Variants in ZNF736 observed in about 807,000 individuals in gnomAD.
The protein encoded by ZNF736 is KRAB-containing zinc-finger repressor protein.
ZNF736 carries 6 observed loss-of-function variants against 11.7 expected under a neutral mutation model. The ratio of observed to expected loss-of-function variants is 0.51; its 90% CI spans 0.28 to 1.01. ZNF736 has a LOEUF of 1.01. Among genes scored for constraint, ZNF736 ranks in the 50% least tolerant of loss-of-function variants. The pLI is 0.09. For missense variants in ZNF736, 444 were observed against 496.0 expected (o/e 0.90, Z 1.00); for synonymous variants, 139 against 164.7 (o/e 0.84, Z 1.19).
chr7:64,356,572 C>T lies in ZNF736; in HGVS notation c.*7425C>T, dbSNP rs115349925. 3.8e-3 allele frequency among the ~76,000 whole-genome samples: 575 copies of T among 151,854 alleles called. 3 individuals carry two copies. Among genetic ancestry groups the T allele is most frequent in the African/African-American group, 0.012 (503 of 41,446 alleles). ...ATACAAGTAATATAAACTAAGTTTA[C>T]TTAAATTATTTACTTATTTAAGAAA... is the stretch of plus-strand genomic sequence containing the variant. On this transcript the variant is annotated 3_prime_UTR_variant, in exon 4 of 4. Coordinates refer to ENST00000423484, the MANE Select transcript of ZNF736 (RefSeq NM_001170905.3).
Position 64,348,267 on chromosome 7 carries a change from AAT to A in ZNF736, c.405_406del (p.Cys136PhefsTer6), listed in dbSNP as rs1276655481. The A allele has an allele frequency of 7.7e-6, 12 of 1,551,876 alleles. No homozygotes were observed. Among genetic ancestry groups the A allele is most frequent in the Middle Eastern group, 1.7e-4 (1 of 6,012 alleles). On this transcript the variant is annotated frameshift_variant, in exon 4 of 4. Coordinates refer to ENST00000423484, the MANE Select transcript of ZNF736 (RefSeq NM_001170905.3). LOFTEE classifies it low-confidence loss of function (END_TRUNC). Reference sequence around the variant, plus strand: ...AAAAGCAGTTATAATGGCCTTCATCAATGTTTGTCAGCTACCCATAGCAAAAC... The same window carrying A: ...AAAAGCAGTTATAATGGCCTTCATCAGTTTGTCAGCTACCCATAGCAAAAC...
intron 3 of ZNF736, among the ~76,000 whole-genome samples, chr7:64,346,941 C>T (rs1431407721): frequency 6.6e-6 from 1 of 151,006 alleles, no homozygotes; most frequent in African/African-American, 2.4e-5. Flanking sequence ...GACTTTAATT[C>T]AAATTGTCTC....
At chr7:64,336,212 C>G (rs1158721225) in intron 1 of ZNF736, 47 bp from the exon 2 acceptor site, 2 of 1,583,226 alleles carry the variant, frequency 1.3e-6, no homozygotes, top group Non-Finnish European at 1.7e-6. Flanking sequence ...GATGTCAAAT[C>G]AAGAATTCTT....
At position 64,342,685 on chromosome 7, in the gene ZNF736, T is replaced by G. The variant is rs564823344; in HGVS notation, c.227-5405T>G. Among the ~76,000 whole-genome samples the G allele has an allele frequency of 3.9e-5, 6 of 152,196 alleles. No homozygotes were observed. The East Asian group carries it at 9.6e-4, about 24-fold the overall frequency. Reference sequence around the variant, plus strand: ...TGTGTGTAACAACTATGCCTGTAATTTCACAAGTTCTGAAGTAATGTGCTC... The same window carrying G: ...TGTGTGTAACAACTATGCCTGTAATGTCACAAGTTCTGAAGTAATGTGCTC... On this transcript the variant is annotated intron_variant, in intron 3 of 3. Transcript: ENST00000423484.
intron 3 of ZNF736, among the ~76,000 whole-genome samples, chr7:64,347,217 C>CTTTTTTTTTTTTT (rs35033527): frequency 2.5e-4 from 14 of 55,870 alleles, no homozygotes; most frequent in East Asian, 1.2e-3. Flanking sequence ...AAATGTTCGC[C>CTTTTTTTTTTTTT]TTTTTTTTTT....
chr7:64,315,992 T>G (rs1282285242), intron 1 of ZNF736, among the ~76,000 whole-genome samples: 4 of 152,178 alleles, frequency 2.6e-5, no homozygotes, highest in Admixed American at 6.5e-5. Flanking sequence ...GCGCATCTCC[T>G]CTCATCTTCT....
At chr7:64,347,216 C>T (rs1474064601) in intron 3 of ZNF736, among the ~76,000 whole-genome samples, 15 of 111,810 alleles carry the variant, frequency 1.3e-4, no homozygotes, top group Admixed American at 2.2e-4. Flanking sequence ...AAAATGTTCG[C>T]CTTTTTTTTT....
intron 1 of ZNF736, among the ~76,000 whole-genome samples, chr7:64,315,853 T>C (rs1788908904): frequency 6.6e-6 from 1 of 152,220 alleles, no homozygotes. Context: ...GTTCTTTATT[T>C]AATTTTAAAA....
intron 1 of ZNF736, among the ~76,000 whole-genome samples, chr7:64,330,190 T>C (rs1373117772): frequency 6.6e-6 from 1 of 151,976 alleles, no homozygotes; most frequent in Non-Finnish European, 1.5e-5. Flanking sequence ...GGAGTCTCGC[T>C]CTGTAGCCCA....
At chr7:64,346,326 G>T in intron 3 of ZNF736, among the ~76,000 whole-genome samples, 1 of 141,774 alleles carries the variant, frequency 7.1e-6, no homozygotes. Context: ...CTGCCATTTT[G>T]TCTTTTTTTT....
Position 64,356,549 on chromosome 7 carries a change from AC to A in ZNF736, c.*7403del. Among the ~76,000 whole-genome samples the A allele has an allele frequency of 1.3e-5, 2 of 152,284 alleles. No individual in the cohort carries two copies. The highest frequency in any genetic ancestry group is 3.9e-4 in the East Asian group (2 of 5,188). On this transcript the variant is annotated 3_prime_UTR_variant, in exon 4 of 4. Coordinates refer to ENST00000423484, the MANE Select transcript of ZNF736 (RefSeq NM_001170905.3). The stretch of plus-strand genomic sequence containing the variant: ...GAGGATAATATGTAAAATAATTTAT[AC>A]AAGTAATATAAACTAAGTTTACTTA...
intron 1 of ZNF736, among the ~76,000 whole-genome samples, chr7:64,318,787 A>C: frequency 6.6e-6 from 1 of 152,178 alleles, no homozygotes; most frequent in East Asian, 1.9e-4. Context: ...TGTAGACACA[A>C]CATATAACTT....
intron 3 of ZNF736, among the ~76,000 whole-genome samples, chr7:64,346,925 G>C (rs1789417242): frequency 6.6e-6 from 1 of 151,288 alleles, no homozygotes; most frequent in African/African-American, 2.4e-5. Context: ...TTAAAAAATA[G>C]ATCAAGACTT....
chr7:64,340,279 T>C (rs1244523795), intron 3 of ZNF736, among the ~76,000 whole-genome samples: 1 of 152,142 alleles, frequency 6.6e-6, no homozygotes, highest in African/African-American at 2.4e-5. Flanking sequence ...GAGAGCACAG[T>C]AAAGGCCAAG....
In ZNF736 at chr7:64,354,232, T is replaced by C. The variant is rs1032505132; in HGVS notation, c.*5085T>C. On this transcript the variant is annotated 3_prime_UTR_variant, in exon 4 of 4. Coordinates refer to ENST00000423484, the MANE Select transcript of ZNF736 (RefSeq NM_001170905.3). ...ATCCTACTTTTTTCTGTTGAACATA[T>C]GACTTCTCTGGTCTGCTAAACACAT... 1 of 152,228 alleles carries C rather than the reference T, an allele frequency of 6.6e-6. No homozygotes were observed. The highest frequency in any genetic ancestry group is 1.5e-5 in the Non-Finnish European group (1 of 68,008). The allele number at this position is 152,228 out of a possible 1,614,324, so 9.4% of individuals were successfully genotyped here.
chr7:64,339,274 C>T (rs1329055861), intron 3 of ZNF736, among the ~76,000 whole-genome samples: 1 of 152,036 alleles, frequency 6.6e-6, no homozygotes, highest in Non-Finnish European at 1.5e-5. Context: ...CTTGGTTCTA[C>T]AGAAGTGTTT....
intron 1 of ZNF736, among the ~76,000 whole-genome samples, chr7:64,319,147 G>T (rs1788957503): frequency 6.6e-6 from 1 of 151,696 alleles, no homozygotes; most frequent in Non-Finnish European, 1.5e-5. Context: ...AATCATGTCG[G>T]CAAGAGAAGA....
chr7:64,330,393 G>A (rs1271930579), intron 1 of ZNF736, among the ~76,000 whole-genome samples: 3 of 151,918 alleles, frequency 2.0e-5, no homozygotes, highest in East Asian at 1.9e-4. Context: ...TCCTGACCTC[G>A]TGATCCGACC....
intron 3 of ZNF736, among the ~76,000 whole-genome samples, chr7:64,337,716 CTGAG>C (rs1789273467): frequency 1.3e-5 from 2 of 148,710 alleles, no homozygotes; most frequent in African/African-American, 4.9e-5. Flanking sequence ...TAAAACATTG[CTGAG>C]TATTTTTTTT....
Sources: allele counts gnomAD v4.1 joint callset (sites outside exome capture counted in the v4.1 genomes callset), GRCh38; gene constraint gnomAD v4.1.1; transcripts MANE v1.5; gene names NCBI Gene and HGNC (gene_info 2026-07-23, HGNC 2026-07-21).